PCDHGA3: variants seen among roughly 807,000 people sequenced by gnomAD.
The protein encoded by PCDHGA3 is protocadherin gamma subfamily A, 3.
A neutral mutation model predicts 58.5 loss-of-function variants in PCDHGA3; 40 were observed. The ratio of observed to expected loss-of-function variants is 0.68; its 90% CI spans 0.53 to 0.89. PCDHGA3 has a LOEUF of 0.89. PCDHGA3 is among the 40% of genes least tolerant of loss of function. The probability of loss-of-function intolerance (pLI) is 0.00; values close to 1 mark genes in which losing one functional copy is unlikely to be tolerated. For missense variants in PCDHGA3, 1,223 were observed against 1,195.9 expected (o/e 1.02, Z -0.33); for synonymous variants, 530 against 525.7 (o/e 1.01, Z -0.11).
At chr5:141,508,151 C>T (rs1306467936) in intron 3 of PCDHGA3, 1 of 152,548 alleles carries the variant, frequency 6.6e-6, no homozygotes, top group Admixed American at 6.5e-5. Flanking sequence ...GGCTGAGTTT[C>T]CCTGAGTAGA....
intron 1 of PCDHGA3, chr5:141,366,607 C>T (rs200161061): frequency 6.8e-5 from 110 of 1,614,150 alleles, no homozygotes; most frequent in Non-Finnish European, 9.1e-5. Flanking sequence ...AGGTCTCCCT[C>T]ACCGCGGACT....
chr5:141,358,895 T>C (rs1761048848), intron 1 of PCDHGA3, among the ~76,000 whole-genome samples: 1 of 152,230 alleles, frequency 6.6e-6, no homozygotes, highest in Non-Finnish European at 1.5e-5. Flanking sequence ...GATTATTTTA[T>C]ATGAGGGAAA....
intron 1 of PCDHGA3, among the ~76,000 whole-genome samples, chr5:141,420,742 A>T (rs967908996): frequency 6.6e-6 from 1 of 152,254 alleles, no homozygotes; most frequent in African/African-American, 2.4e-5. Flanking sequence ...AATCAATTGG[A>T]ACCAACTACA....
intron 1 of PCDHGA3, chr5:141,395,894 C>G (rs768471284): frequency 1.3e-5 from 2 of 152,020 alleles, no homozygotes; most frequent in Non-Finnish European, 2.9e-5. Flanking sequence ...CACCTGGGCT[C>G]CATGCCCATG....
chr5:141,432,584 C>T lies in PCDHGA3; in HGVS notation c.2425-62223C>T, dbSNP rs762935149. The T allele has an allele frequency of 2.3e-5, 37 of 1,613,854 alleles. No individual in the cohort carries two copies. The highest frequency in any genetic ancestry group is 3.3e-4 in the Middle Eastern group (2 of 6,018). On this transcript the variant is annotated intron_variant, in intron 1 of 3. Coordinates refer to ENST00000253812, the MANE Select transcript of PCDHGA3 (RefSeq NM_018916.4). The surrounding 1 kb of genome is among the most constrained non-coding windows in gnomAD (Gnocchi z 6.0). ...GAACGCCTGGCTGTCCTACCGTCTG[C>T]TCAAGGCCAGCGAGCCGGGACTCTT...
At chr5:141,384,110 T>A in intron 1 of PCDHGA3, 1 of 1,604,780 alleles carries the variant, frequency 6.2e-7, no homozygotes, top group Non-Finnish European at 8.5e-7. Context: ...TATTATAGAT[T>A]GGTCACAACC....
At chr5:141,400,154 T>G in intron 1 of PCDHGA3, 1 of 1,614,076 alleles carries the variant, frequency 6.2e-7, no homozygotes, top group Non-Finnish European at 8.5e-7. Context: ...GACCGCCCTG[T>G]ACCCTCTGAC....
chr5:141,368,497 A>G (rs575171402), intron 1 of PCDHGA3, among the ~76,000 whole-genome samples: 1 of 152,306 alleles, frequency 6.6e-6, no homozygotes, highest in East Asian at 1.9e-4. Flanking sequence ...TCTATACAGT[A>G]GGTGTCGACA....
At position 141,486,112 on chromosome 5, in the gene PCDHGA3, G is replaced by A; in HGVS notation, c.2425-8695G>A. ...TGGGGCCCCTAGACTTTGAGAGTGA[G>A]AATTACTATGAATTTGATGTGCGGG... On this transcript the variant is annotated intron_variant, in intron 1 of 3. Transcript: ENST00000253812. This position sits in a 1 kb window ranked among gnomAD's most constrained non-coding sequence, Gnocchi z 5.0. 1 of 1,614,166 alleles carries A rather than the reference G, an allele frequency of 6.2e-7. No homozygotes were observed. Among genetic ancestry groups the A allele is most frequent in the Non-Finnish European group, 8.5e-7 (1 of 1,180,024 alleles).
intron 1 of PCDHGA3, among the ~76,000 whole-genome samples, chr5:141,494,146 T>C (rs1167835696): frequency 1.3e-5 from 2 of 152,168 alleles, no homozygotes; most frequent in Non-Finnish European, 2.9e-5. Context: ...TCACAGACCA[T>C]TGTCTGGCAC....
chr5:141,403,210 C>T lies in PCDHGA3; in HGVS notation c.2424+56753C>T, dbSNP rs369033480. 123 of 1,613,946 alleles carry T rather than the reference C, an allele frequency of 7.6e-5. No homozygotes were observed. In the Middle Eastern group the frequency reaches 1.2e-3, roughly 15 times the overall value. On this transcript the variant is annotated intron_variant, in intron 1 of 3. Coordinates refer to ENST00000253812, the MANE Select transcript of PCDHGA3 (RefSeq NM_018916.4). Reference sequence around the variant, plus strand: ...ACCCGCGCAGCGGCACCTTGGTCACCGCGGGTAGGATAGACCGGGAGGAGC... The same window carrying T: ...ACCCGCGCAGCGGCACCTTGGTCACTGCGGGTAGGATAGACCGGGAGGAGC...
chr5:141,415,873 G>A lies in PCDHGA3; in HGVS notation c.2424+69416G>A, dbSNP rs905638480. The A allele has an allele frequency of 9.6e-6, 10 of 1,046,220 alleles. No homozygotes were observed. In the East Asian group the frequency reaches 1.8e-4, roughly 19 times the overall value. The allele number at this position is 1,046,220 out of a possible 1,614,324, so 64.8% of individuals were successfully genotyped here. A position where few individuals can be genotyped will look rare whatever the true frequency, so the allele number is the denominator to read the frequency against. On this transcript the variant is annotated intron_variant, in intron 1 of 3. Transcript: ENST00000253812. ...ACCTTGTAGTTTATAGTGTTGTTGA[G>A]TACAATATTGACAATTCCTAAGACA...
chr5:141,398,088 C>T lies in PCDHGA3; in HGVS notation c.2424+51631C>T, dbSNP rs781722295. On this transcript the variant is annotated intron_variant, in intron 1 of 3. Coordinates refer to ENST00000253812, the MANE Select transcript of PCDHGA3 (RefSeq NM_018916.4). ...AATACAGAGGTTATTTGTAACCTGGCGTCTCCAGGCTGGTGAGCAAGCTGA... is the reference window on the plus strand; with the variant it reads ...AATACAGAGGTTATTTGTAACCTGGTGTCTCCAGGCTGGTGAGCAAGCTGA... The T allele has an allele frequency of 1.1e-5, 18 of 1,598,420 alleles. 1 individual carries two copies. In the South Asian group the frequency reaches 1.9e-4, roughly 17 times the overall value.
At position 141,510,228 on chromosome 5, in the gene PCDHGA3, G is replaced by A. The variant is rs529723748; in HGVS notation, c.2573-719G>A. The stretch of plus-strand genomic sequence containing the variant: ...GCAGAGGTTGCAGTGAGCCGGGATC[G>A]CGCCACTGCACTCCAGGCTGGGCGA... On this transcript the variant is annotated intron_variant, in intron 3 of 3. Coordinates refer to ENST00000253812, the MANE Select transcript of PCDHGA3 (RefSeq NM_018916.4). Among the ~76,000 whole-genome samples the A allele has an allele frequency of 1.4e-3, 208 of 150,722 alleles. 1 individual carries two copies. Among genetic ancestry groups the A allele is most frequent in the African/African-American group, 4.7e-3 (193 of 40,860 alleles).
At chr5:141,371,583 G>T (rs1767867513) in intron 1 of PCDHGA3, 3 of 1,613,828 alleles carry the variant, frequency 1.9e-6, no homozygotes, top group Non-Finnish European at 2.5e-6. Context: ...AATCGTTCAA[G>T]ATACCAAAAA....
chr5:141,397,625 G>A (rs558654986), intron 1 of PCDHGA3, among the ~76,000 whole-genome samples: 2 of 152,338 alleles, frequency 1.3e-5, no homozygotes, highest in South Asian at 4.1e-4. Flanking sequence ...CTTAGTTCTA[G>A]CTAAGAGTTC....
intron 1 of PCDHGA3, chr5:141,370,117 T>A (rs1370014125): frequency 5.2e-6 from 2 of 381,566 alleles, no homozygotes; most frequent in Admixed American, 4.1e-5. Flanking sequence ...CCTAACTAGC[T>A]CCTTATTTGG....
At chr5:141,393,527 T>A in intron 1 of PCDHGA3, 10 of 1,613,990 alleles carry the variant, frequency 6.2e-6, no homozygotes, top group Non-Finnish European at 6.8e-6. Context: ...CAAATGACAA[T>A]GCCCCGGTTT....
Position 141,431,464 on chromosome 5 carries a change from G to GA in PCDHGA3, c.2425-63341dup, listed in dbSNP as rs1561852795. 1 of 1,613,782 alleles carries GA rather than the reference G, an allele frequency of 6.2e-7. No homozygotes were observed. Among genetic ancestry groups the GA allele is most frequent in the Non-Finnish European group, 8.5e-7 (1 of 1,179,972 alleles). ...GCATCCGCGTGATGGTTCTGGATGC[G>GA]AACGACAACGCACCAGCGTTTGCTC... On this transcript the variant is annotated intron_variant, in intron 1 of 3. Coordinates refer to ENST00000253812, the MANE Select transcript of PCDHGA3 (RefSeq NM_018916.4). This position sits in a 1 kb window ranked among gnomAD's most constrained non-coding sequence, Gnocchi z 4.8.
Sources: gnomAD v4.1 joint callset for allele counts (sites outside exome capture counted in the v4.1 genomes callset) on GRCh38, gnomAD v4.1.1 for gene constraint, Gnocchi (gnomAD v3.1) non-coding constraint, MANE v1.5 for transcripts, NCBI Gene and HGNC (gene_info 2026-07-23, HGNC 2026-07-21) for gene names.